Variants in PACS2 observed in about 807,000 individuals in gnomAD.
PACS2 encodes the protein PACS1-like protein.
PACS2 carries 36 observed loss-of-function variants against 113.0 expected under a neutral mutation model. That is an observed-to-expected ratio of 0.32 (90% CI 0.24 to 0.42). The LOEUF (loss-of-function observed/expected upper bound fraction) is 0.42, where lower values mean the gene tolerates loss of function less well. Ranked by LOEUF, PACS2 falls within the 10% of genes least tolerant of loss-of-function variation. The pLI is 1.00. For missense variants in PACS2, 1,015 were observed against 1,239.5 expected, an observed-to-expected ratio of 0.82 and a Z score of 2.72; for synonymous variants, 589 against 536.1, an observed-to-expected ratio of 1.10 and a Z score of -1.36.
At position 105,394,179 on chromosome 14, in the gene PACS2, G is replaced by A. The variant is rs977237686; in HGVS notation, c.2597-375G>A. ...GACGTGGCCCTGTCTCCCCACAGGG[G>A]TCTCTGTTTTAAGGGGGCTCCCACT... is the stretch of plus-strand genomic sequence containing the variant. On this transcript the variant is annotated intron_variant, in intron 24 of 24. Transcript: ENST00000447393. 7.1e-6 allele frequency: 7 copies of A among 985,216 alleles called. No individual in the cohort carries two copies. The African/African-American group carries it at 8.7e-5, about 12-fold the overall frequency. 61.0% of individuals were successfully genotyped at this position (985,216 alleles called of 1,614,324 possible). A position where few individuals can be genotyped will look rare whatever the true frequency, so the allele number is the denominator to read the frequency against.
rs1239479972 is a variant in PACS2 at position 105,324,166 on chromosome 14, C to T, written c.119+9129C>T. On this transcript the variant is annotated intron_variant, in intron 1 of 24. Coordinates refer to ENST00000447393, the MANE Select transcript of PACS2 (RefSeq NM_001100913.3). This position sits in a 1 kb window ranked among gnomAD's most constrained non-coding sequence, Gnocchi z 4.7. ...TCTGCCCAGCATTCTCAGCATGCGT[C>T]TCAGGAAGGTTTGATGGAGTGGGCA... Among the ~76,000 whole-genome samples the T allele has an allele frequency of 6.6e-6, 1 of 152,186 alleles. No individual in the cohort carries two copies. The highest frequency in any genetic ancestry group is 1.5e-5 in the Non-Finnish European group (1 of 68,036).
chr14:105,393,536 T>C (rs2081434475), intron 24 of PACS2: 1 of 485,336 alleles, frequency 2.1e-6, no homozygotes. Flanking sequence ...TTTTCAACCC[T>C]TTTTGCTTTT....
At position 105,367,338 on chromosome 14, in the gene PACS2, C is replaced by T. The variant is rs782393811; in HGVS notation, c.549C>T (p.Asp183=). The T allele has an allele frequency of 7.4e-5, 120 of 1,613,278 alleles. No homozygotes were observed. The highest frequency in any genetic ancestry group is 1.0e-4 in the Non-Finnish European group (118 of 1,180,008). Residue 183 remains aspartate, a synonymous_variant, in exon 5 of 25, where the codon GAC becomes GAT. Transcript: ENST00000447393. ...CCAGCCAGCCCATTGACCACGAAGA[C>T]AGCACCATGCAGGCCGGCCCCAAGG... is the stretch of plus-strand genomic sequence containing the variant. ...SLSSQPIDHE[D]STMQAGPKAK... is the part of the protein sequence containing the mutation.
At chr14:105,347,126 C>T (rs2059970920) in intron 1 of PACS2, among the ~76,000 whole-genome samples, 1 of 148,734 alleles carries the variant, frequency 6.7e-6, no homozygotes, top group African/African-American at 2.5e-5. Flanking sequence ...GTGTCTGCCC[C>T]TTGGCTTCTC....
chr14:105,327,592 C>T (rs2059166952), intron 1 of PACS2, among the ~76,000 whole-genome samples: 1 of 152,218 alleles, frequency 6.6e-6, no homozygotes, highest in African/African-American at 2.4e-5. Context: ...TCTCATGCCT[C>T]TGCCGCTTGC....
In PACS2 at chr14:105,314,838, T is replaced by G. The variant is rs970343217; in HGVS notation, c.-81T>G. The stretch of plus-strand genomic sequence containing the variant: ...CAGCCATGTGACCGCGCCGCCGCCC[T>G]CCGCGCGCCCGGCCCGCCCGCCGCG... On this transcript the variant is annotated 5_prime_UTR_variant, in exon 1 of 25. Transcript: ENST00000447393. The G allele has an allele frequency of 5.7e-6, 3 of 522,310 alleles. No individual in the cohort carries two copies. Among genetic ancestry groups the G allele is most frequent in the African/African-American group, 2.2e-5 (1 of 45,428 alleles). The allele number at this position is 522,310 out of a possible 1,614,324, so 32.4% of individuals were successfully genotyped here.
intron 21 of PACS2, 181 bp from the exon 22 acceptor site, chr14:105,391,450 G>A: frequency 1.5e-6 from 1 of 675,456 alleles, no homozygotes; most frequent in Non-Finnish European, 2.5e-6. Context: ...GGCTGGCAGG[G>A]TTGTCTTCCA....
chr14:105,334,637 A>G (rs2059439856), intron 1 of PACS2, among the ~76,000 whole-genome samples: 1 of 152,060 alleles, frequency 6.6e-6, no homozygotes, highest in Non-Finnish European at 1.5e-5. Flanking sequence ...CTGAGGGTCC[A>G]GTGTGTGGGT....
intron 1 of PACS2, among the ~76,000 whole-genome samples, chr14:105,343,162 C>T (rs2059797262): frequency 1.3e-5 from 2 of 152,188 alleles, no homozygotes; most frequent in Non-Finnish European, 2.9e-5. Flanking sequence ...TGTGTGCCCT[C>T]TTGACACGGG....
intron 4 of PACS2, among the ~76,000 whole-genome samples, chr14:105,359,506 C>T (rs1555405959): frequency 6.6e-6 from 1 of 151,514 alleles, no homozygotes; most frequent in East Asian, 1.9e-4. Context: ...CAGGGTTTCA[C>T]CCTGTTGTCC....
chr14:105,318,328 T>G (rs1468561543), intron 1 of PACS2, among the ~76,000 whole-genome samples: 1 of 152,198 alleles, frequency 6.6e-6, no homozygotes. Context: ...TGGCCCAGAC[T>G]GGGGTGCAGT....
intron 1 of PACS2, among the ~76,000 whole-genome samples, chr14:105,306,316 GTTTTT>G (rs1284405914): frequency 4.6e-5 from 7 of 151,216 alleles, no homozygotes; most frequent in African/African-American, 1.7e-4. Context: ...GTTTTGTTTT[GTTTTT>G]GAGACACAGT....
intron 4 of PACS2, among the ~76,000 whole-genome samples, chr14:105,364,355 TC>T (rs1214346449): frequency 5.1e-5 from 4 of 78,502 alleles, no homozygotes; most frequent in Admixed American, 1.2e-4. Context: ...GTGGGCGGTG[TC>T]CCGGGTGCAC....
Position 105,380,947 on chromosome 14 carries a change from T to G in PACS2, c.1126-10T>G. The G allele has an allele frequency of 6.2e-7, 1 of 1,606,712 alleles. No homozygotes were observed. Among genetic ancestry groups the G allele is most frequent in the Non-Finnish European group, 8.5e-7 (1 of 1,176,152 alleles). On this transcript the variant is annotated splice_polypyrimidine_tract_variant and intron_variant, in intron 11 of 24. Transcript: ENST00000447393. ...CCACGGGAGGCTCCAGGCCCGTCTC[T>G]GCTCAGCAGGGTGTGCCAGGCCCGA...
chr14:105,360,181 T>C (rs2060623998), intron 4 of PACS2, among the ~76,000 whole-genome samples: 1 of 152,236 alleles, frequency 6.6e-6, no homozygotes. Flanking sequence ...ATGTTTACAC[T>C]GTACTGTAGT....
chr14:105,308,859 A>T (rs2058268034), intron 1 of PACS2, among the ~76,000 whole-genome samples: 1 of 152,066 alleles, frequency 6.6e-6, no homozygotes, highest in African/African-American at 2.4e-5. Context: ...TTGTAATCCC[A>T]GCACTTTGAG....
intron 6 of PACS2, 63 bp from the exon 7 acceptor site, chr14:105,368,396 G>A (rs2061022472): frequency 1.5e-6 from 2 of 1,305,334 alleles, no homozygotes; most frequent in Admixed American, 1.7e-5. Context: ...CGCTGAGGCT[G>A]GCAGGGTCCT....
chr14:105,312,230 G>A (rs1039061118), upstream of PACS2, among the ~76,000 whole-genome samples: 4 of 152,240 alleles, frequency 2.6e-5, no homozygotes, highest in African/African-American at 9.6e-5. Flanking sequence ...ACAGAGGAAA[G>A]GCCTCGGCCC....
chr14:105,346,082 C>A (rs2059907917), intron 1 of PACS2, among the ~76,000 whole-genome samples: 1 of 152,196 alleles, frequency 6.6e-6, no homozygotes, highest in Non-Finnish European at 1.5e-5. Context: ...AGTCTGACTG[C>A]AGCTCGGGGA....
Sources: allele counts gnomAD v4.1 joint callset (sites outside exome capture counted in the v4.1 genomes callset), GRCh38; gene constraint gnomAD v4.1.1; non-coding constraint Gnocchi (gnomAD v3.1); transcripts MANE v1.5; gene names NCBI Gene and HGNC (gene_info 2026-07-23, HGNC 2026-07-21).